Variants in RYR2 observed in about 807,000 individuals in gnomAD.
The protein encoded by RYR2 is ryanodine receptor 2.
A neutral mutation model predicts 601.1 loss-of-function variants in RYR2; 227 were observed. The ratio of observed to expected loss-of-function variants is 0.38; its 90% CI spans 0.34 to 0.42. The LOEUF (loss-of-function observed/expected upper bound fraction) is 0.42. Among genes scored for constraint, RYR2 ranks in the 10% least tolerant of loss-of-function variants. The pLI is 1.00. For synonymous variants in RYR2, 2,223 were observed against 2,175.1 expected, an observed-to-expected ratio of 1.02 and a Z score of -0.61; for missense variants, 4,646 against 6,156.5, an observed-to-expected ratio of 0.75 and a Z score of 8.21.
chr1:237,745,029 C>G (rs1213472416), intron 80 of RYR2, among the ~76,000 whole-genome samples: 1 of 151,914 alleles, frequency 6.6e-6, no homozygotes, highest in Non-Finnish European at 1.5e-5. Flanking sequence ...TCTTTATCTC[C>G]TGACCTCATG....
chr1:237,425,507 G>C (rs1706062451), intron 12 of RYR2, among the ~76,000 whole-genome samples: 1 of 152,068 alleles, frequency 6.6e-6, no homozygotes, highest in African/African-American at 2.4e-5. Flanking sequence ...GGTGACATGT[G>C]CCTGCAGTCC....
chr1:237,496,687 G>T lies in RYR2; in HGVS notation c.2138G>T (p.Trp713Leu), dbSNP rs1553473238. 2 of 1,613,926 alleles carry T rather than the reference G, an allele frequency of 1.2e-6. No homozygotes were observed. The highest frequency in any genetic ancestry group is 1.7e-5 in the Admixed American group (1 of 60,012). The change falls in exon 20 of 105, where the codon TGG (tryptophan) becomes TTG (leucine). Residue 713 changes from tryptophan to leucine, a missense_variant. Around this residue, in one of 17 missense-constraint regions of RYR2, gnomAD observed 1,807 missense variants for 2,088.1 expected, o/e 0.87. Coordinates refer to ENST00000366574, the MANE Select transcript of RYR2 (RefSeq NM_001035.3). The part of the protein sequence containing the change: ...YSPYPGGGEE[W>L]GGNGVGDDLF... ...CCCTACCCTGGAGGGGGCGAAGAGT[G>T]GGGTGGAAATGGTGTTGGAGATGAT...
intron 17 of RYR2, among the ~76,000 whole-genome samples, chr1:237,478,354 C>G (rs565992667): frequency 6.6e-6 from 1 of 152,048 alleles, no homozygotes; most frequent in Non-Finnish European, 1.5e-5. Flanking sequence ...CGTTTTTTAA[C>G]CTGTCAATGG....
Position 237,687,379 on chromosome 1 carries a change from T to TTG in RYR2, c.9018-75_9018-74insGT, listed in dbSNP as rs1686507937. 1.2e-5 allele frequency: 8 copies of TTG among 656,662 alleles called. No individual in the cohort carries two copies. In the Admixed American group the frequency reaches 1.4e-4, roughly 11 times the overall value. 40.7% of individuals were successfully genotyped at this position (656,662 alleles called of 1,614,324 possible). A position where few individuals can be genotyped will look rare whatever the true frequency, so the allele number is the denominator to read the frequency against. ...TTTTTTCTTCTTCTTTTTTTTTTTTTTTTTTAATTTCCCCCTGTCTTTTCT... is the reference window on the plus strand; with the variant it reads ...TTTTTTCTTCTTCTTTTTTTTTTTTTTGTTTTTAATTTCCCCCTGTCTTTTCT... On this transcript the variant is annotated intron_variant, in intron 62 of 104. Transcript: ENST00000366574.
intron 17 of RYR2, among the ~76,000 whole-genome samples, chr1:237,487,580 C>G (rs1662833966): frequency 6.9e-6 from 1 of 145,446 alleles, no homozygotes; most frequent in Admixed American, 6.9e-5. Context: ...AAAAAAAGCT[C>G]AGCATGGTGG....
chr1:237,351,051 T>G (rs1393526100), intron 3 of RYR2, among the ~76,000 whole-genome samples: 1 of 152,092 alleles, frequency 6.6e-6, no homozygotes, highest in Non-Finnish European at 1.5e-5. Context: ...GAAATAAGAG[T>G]GTATTCCTTT....
At chr1:237,162,864 G>A (rs956910773) in intron 1 of RYR2, among the ~76,000 whole-genome samples, 3 of 152,060 alleles carry the variant, frequency 2.0e-5, no homozygotes, top group Non-Finnish European at 2.9e-5. Context: ...GAGTTAGAAC[G>A]TTCTGCAGGA....
rs1291444379 is a variant in RYR2 at position 237,525,680 on chromosome 1, A to T, written c.2823-4747A>T. ...TGTTCAGGCTGGTCTCAAACGCGTGACCTGATAATGATTTCTTGGACAGAT... is the reference window on the plus strand; with the variant it reads ...TGTTCAGGCTGGTCTCAAACGCGTGTCCTGATAATGATTTCTTGGACAGAT... On this transcript the variant is annotated intron_variant, in intron 24 of 104. Transcript: ENST00000366574. Among the ~76,000 whole-genome samples the T allele has an allele frequency of 2.0e-5, 3 of 151,882 alleles. No individual in the cohort carries two copies. In the East Asian group the frequency reaches 5.9e-4, roughly 30 times the overall value.
intron 1 of RYR2, among the ~76,000 whole-genome samples, chr1:237,264,876 T>G (rs1688899721): frequency 6.6e-6 from 1 of 151,590 alleles, no homozygotes; most frequent in South Asian, 2.1e-4. Context: ...TTGTATTTTT[T>G]TTTTTAGTAG....
chr1:237,702,826 A>G (rs1688074082), intron 66 of RYR2, among the ~76,000 whole-genome samples: 1 of 152,090 alleles, frequency 6.6e-6, no homozygotes, highest in African/African-American at 2.4e-5. Flanking sequence ...CCAAATATTA[A>G]AACCTATAAA....
intron 1 of RYR2, among the ~76,000 whole-genome samples, chr1:237,241,497 T>C (rs565093255): frequency 6.6e-6 from 1 of 152,220 alleles, no homozygotes; most frequent in African/African-American, 2.4e-5. Context: ...AATCTCAAAA[T>C]TGGGGTTCAG....
intron 2 of RYR2, among the ~76,000 whole-genome samples, chr1:237,296,856 T>C (rs1372122383): frequency 6.6e-6 from 1 of 152,136 alleles, no homozygotes; most frequent in African/African-American, 2.4e-5. Flanking sequence ...AAGATAAAAA[T>C]CTTTCTTGGA....
At chr1:237,045,002 C>G (rs577974111) in intron 1 of RYR2, among the ~76,000 whole-genome samples, 1 of 146,650 alleles carries the variant, frequency 6.8e-6, no homozygotes, top group African/African-American at 2.5e-5. Flanking sequence ...TATTAGGAAT[C>G]TGTACATCTT....
intron 1 of RYR2, among the ~76,000 whole-genome samples, chr1:237,220,860 G>A (rs1683725381): frequency 6.6e-6 from 1 of 151,988 alleles, no homozygotes; most frequent in Admixed American, 6.6e-5. Context: ...AAGCTGAGGT[G>A]GGCAGATCAC....
At chr1:237,177,935 C>G (rs1678239173) in intron 1 of RYR2, among the ~76,000 whole-genome samples, 1 of 152,090 alleles carries the variant, frequency 6.6e-6, no homozygotes, top group Non-Finnish European at 1.5e-5. Context: ...TCCAGGCTAG[C>G]AAATACAGAT....
intron 1 of RYR2, among the ~76,000 whole-genome samples, chr1:237,177,691 C>T (rs1310915110): frequency 1.3e-5 from 2 of 152,098 alleles, no homozygotes; most frequent in African/African-American, 4.8e-5. Flanking sequence ...TTTATGTGAA[C>T]TACTGTTGAT....
chr1:237,812,998 G>A (rs1365285382), intron 100 of RYR2, among the ~76,000 whole-genome samples: 1 of 151,726 alleles, frequency 6.6e-6, no homozygotes, highest in African/African-American at 2.4e-5. Context: ...TCACTAACAT[G>A]CAACACTTTA....
At chr1:237,229,898 T>C (rs1487220221) in intron 1 of RYR2, among the ~76,000 whole-genome samples, 1 of 152,170 alleles carries the variant, frequency 6.6e-6, no homozygotes. Context: ...GATGACCTTG[T>C]TGGGGTTGGA....
intron 2 of RYR2, among the ~76,000 whole-genome samples, chr1:237,276,202 C>T (rs778247128): frequency 6.6e-6 from 1 of 152,170 alleles, no homozygotes; most frequent in Non-Finnish European, 1.5e-5. Context: ...TGCATTCAAG[C>T]AATTCTCCTT....
Sources: gnomAD v4.1 joint callset for allele counts (sites outside exome capture counted in the v4.1 genomes callset) on GRCh38, gnomAD v4.1.1 for gene constraint, gnomAD v4.1.1 regional missense constraint, MANE v1.5 for transcripts, NCBI Gene and HGNC (gene_info 2026-07-23, HGNC 2026-07-21) for gene names.